Variants in DCC observed in about 807,000 individuals in gnomAD.
The protein encoded by DCC is netrin receptor DCC.
In DCC, 58 loss-of-function variants were observed where a neutral mutation model predicts 172.5. That is an observed-to-expected ratio of 0.34 (90% CI 0.27 to 0.42). DCC has a LOEUF of 0.42. Among genes scored for constraint, DCC ranks in the 10% least tolerant of loss-of-function variants. The pLI is 1.00. For synonymous variants in DCC, 709 were observed against 644.5 expected, an observed-to-expected ratio of 1.10 and a Z score of -1.52; for missense variants, 1,740 against 1,791.0, an observed-to-expected ratio of 0.97 and a Z score of 0.51.
intron 2 of DCC, among the ~76,000 whole-genome samples, chr18:52,868,419 C>T (rs992858866): frequency 2.6e-5 from 4 of 152,176 alleles, no homozygotes; most frequent in East Asian, 1.9e-4. Flanking sequence ...CATTTGTATG[C>T]GTGTAGCATC....
chr18:52,634,102 G>A (rs1353236360), intron 1 of DCC, among the ~76,000 whole-genome samples: 1 of 152,238 alleles, frequency 6.6e-6, no homozygotes, highest in Admixed American at 6.5e-5. Flanking sequence ...ATCTCATTAA[G>A]TGACTTCCTC....
intron 12 of DCC, among the ~76,000 whole-genome samples, chr18:53,243,643 C>T (rs1350157537): frequency 6.6e-6 from 1 of 152,144 alleles, no homozygotes; most frequent in Non-Finnish European, 1.5e-5. Flanking sequence ...GTTTAAGAAG[C>T]TGCAAGGAAA....
At chr18:52,382,520 T>C (rs900388823) in intron 1 of DCC, among the ~76,000 whole-genome samples, 1 of 152,170 alleles carries the variant, frequency 6.6e-6, no homozygotes, top group Non-Finnish European at 1.5e-5. Context: ...GAGATAAGAC[T>C]GGAGTCAGAG....
rs779661533 is a variant in DCC at position 53,205,300 on chromosome 18, A to G, written c.1658A>G (p.Tyr553Cys). 10 of 1,613,912 alleles carry G rather than the reference A, an allele frequency of 6.2e-6. No individual in the cohort carries two copies. The highest frequency in any genetic ancestry group is 7.6e-6 in the Non-Finnish European group (9 of 1,179,858). ...SILITWEPPA[Y>C]ANGPVQGYRL... ...CTTATTACCTGGGAACCCCCTGCCT[A>G]TGCAAACGGTCCAGTCCAAGGTTAC... Residue 553 changes from tyrosine to cysteine, a missense_variant, in exon 10 of 29, where the codon TAT (tyrosine) becomes TGT (cysteine). This residue lies in a region of DCC where 1,732 missense variants were observed against 1,767.4 expected (regional missense o/e 0.98). Transcript: ENST00000442544.
intron 1 of DCC, among the ~76,000 whole-genome samples, chr18:52,376,878 G>C (rs905008148): frequency 6.6e-6 from 1 of 152,232 alleles, no homozygotes; most frequent in Non-Finnish European, 1.5e-5. Context: ...GAAGGGAAGG[G>C]GATAAGATGT....
At chr18:53,203,290 A>G (rs2055573232) in intron 9 of DCC, among the ~76,000 whole-genome samples, 1 of 151,608 alleles carries the variant, frequency 6.6e-6, no homozygotes, top group Non-Finnish European at 1.5e-5. Flanking sequence ...TATATATTTC[A>G]AAGTGTTGAC....
chr18:52,587,231 G>C (rs1383687357), intron 1 of DCC, among the ~76,000 whole-genome samples: 1 of 152,214 alleles, frequency 6.6e-6, no homozygotes, highest in Non-Finnish European at 1.5e-5. Flanking sequence ...GCACTCAGCA[G>C]TGGCCATAGC....
At chr18:52,541,875 G>GTGTATATATATATATATATA (rs1555695194) in intron 1 of DCC, among the ~76,000 whole-genome samples, 21 of 115,186 alleles carry the variant, frequency 1.8e-4, no homozygotes, top group African/African-American at 5.6e-4. Flanking sequence ...GTGTGTGTGT[G>GTGTATATATATATATATATA]TATATATATA....
rs185962355 is a variant in DCC at position 52,764,713 on chromosome 18, G to C, written c.412+12339G>C. On this transcript the variant is annotated intron_variant, in intron 2 of 28. Coordinates refer to ENST00000442544, the MANE Select transcript of DCC (RefSeq NM_005215.4). ...TTTCAAAACCGAAAGCCAAATGAAC[G>C]TTTTTTCTTTATAAGTTATCCAACC... 3.9e-5 allele frequency among the ~76,000 whole-genome samples: 6 copies of C among 152,036 alleles called. No individual in the cohort carries two copies. The South Asian group carries it at 1.2e-3, about 32-fold the overall frequency.
At chr18:52,513,225 A>T (rs532233737) in intron 1 of DCC, among the ~76,000 whole-genome samples, 1 of 152,350 alleles carries the variant, frequency 6.6e-6, no homozygotes, top group East Asian at 1.9e-4. Flanking sequence ...AAGAATGTTC[A>T]TAATACAAAC....
intron 2 of DCC, among the ~76,000 whole-genome samples, chr18:52,862,573 C>T (rs911920904): frequency 6.6e-6 from 1 of 152,074 alleles, no homozygotes; most frequent in Non-Finnish European, 1.5e-5. Context: ...TGGCACGTGC[C>T]TGTAGTTCCA....
At chr18:53,005,717 G>A (rs2041634377) in intron 5 of DCC, among the ~76,000 whole-genome samples, 1 of 152,174 alleles carries the variant, frequency 6.6e-6, no homozygotes, top group South Asian at 2.1e-4. Flanking sequence ...GACAGAGTGA[G>A]ATTCTGTCTC....
At chr18:52,800,232 C>CTGTGATGAA (rs1319231175) in intron 2 of DCC, among the ~76,000 whole-genome samples, 1 of 152,092 alleles carries the variant, frequency 6.6e-6, no homozygotes, top group African/African-American at 2.4e-5. Flanking sequence ...TGTTCCCCAG[C>CTGTGATGAA]TAATACTGTG....
At chr18:52,651,494 A>T (rs1186517332) in intron 1 of DCC, among the ~76,000 whole-genome samples, 3 of 149,298 alleles carry the variant, frequency 2.0e-5, no homozygotes, top group African/African-American at 4.9e-5. Context: ...ATGCATTTTT[A>T]AAATCTTTTT....
chr18:53,228,663 T>C (rs1394523251), intron 12 of DCC, among the ~76,000 whole-genome samples: 1 of 152,152 alleles, frequency 6.6e-6, no homozygotes, highest in Non-Finnish European at 1.5e-5. Context: ...TTTCTGACTA[T>C]ACTTAACTTT....
chr18:53,048,863 A>G (rs1276411517), intron 5 of DCC, among the ~76,000 whole-genome samples: 2 of 151,784 alleles, frequency 1.3e-5, no homozygotes, highest in Admixed American at 6.6e-5. Flanking sequence ...TTGACTTTTT[A>G]ATAATAGTCA....
intron 5 of DCC, among the ~76,000 whole-genome samples, chr18:52,972,776 C>A (rs1051456726): frequency 6.6e-6 from 1 of 152,070 alleles, no homozygotes; most frequent in African/African-American, 2.4e-5. Flanking sequence ...CTTGATGATG[C>A]CATTGAAGAG....
chr18:53,068,109 A>T (rs1489654327), intron 7 of DCC, among the ~76,000 whole-genome samples: 5 of 152,176 alleles, frequency 3.3e-5, no homozygotes, highest in Non-Finnish European at 7.4e-5. Flanking sequence ...TCTCTGATGG[A>T]CTTCTTTTCC....
intron 1 of DCC, among the ~76,000 whole-genome samples, chr18:52,413,657 T>A (rs1986917537): frequency 1.3e-5 from 2 of 152,112 alleles, no homozygotes; most frequent in East Asian, 1.9e-4. Flanking sequence ...CTAAGAAAAT[T>A]AGTACCTTTA....
Sources: gnomAD v4.1 joint callset for allele counts (sites outside exome capture counted in the v4.1 genomes callset) on GRCh38, gnomAD v4.1.1 for gene constraint, gnomAD v4.1.1 regional missense constraint, MANE v1.5 for transcripts, NCBI Gene and HGNC (gene_info 2026-07-23, HGNC 2026-07-21) for gene names.